NCOA7: variants seen among roughly 807,000 people sequenced by gnomAD.
The protein encoded by NCOA7 is 140 kDa estrogen receptor-associated protein.
A neutral mutation model predicts 104.3 loss-of-function variants in NCOA7; 45 were observed. That is an observed-to-expected ratio of 0.43 (90% CI 0.34 to 0.55). NCOA7 has a LOEUF of 0.55. Among genes scored for constraint, NCOA7 ranks in the 20% least tolerant of loss-of-function variants. The pLI, the probability that NCOA7 is intolerant of heterozygous loss-of-function variation, is 0.02. For missense variants in NCOA7, 1,041 were observed against 1,119.7 expected (o/e 0.93, Z 1.00); for synonymous variants, 398 against 402.3 (o/e 0.99, Z 0.13).
chr6:125,883,409 TC>T (rs1247510572), intron 7 of NCOA7, among the ~76,000 whole-genome samples: 14 of 152,186 alleles, frequency 9.2e-5, no homozygotes, highest in Non-Finnish European at 1.8e-4. Flanking sequence ...CAGTGTAAAA[TC>T]CAGTGATTTT....
At position 125,889,137 on chromosome 6, in the gene NCOA7, G is replaced by T. The variant is rs1784445079; in HGVS notation, c.1083G>T (p.Lys361Asn). Residue 361 changes from lysine to asparagine, a missense_variant, in exon 9 of 16, where the codon AAG becomes AAT. Lys to Asn is a moderately conservative substitution (Grantham distance 94). Transcript: ENST00000392477. ...AGTCCACAGGACATACACCTACAAA[G>T]CCCTCAGGCAGCTCTGTGTCAGAGA... ...LEKSTGHTPT[K>N]PSGSSVSEKL... The T allele has an allele frequency of 1.2e-6, 2 of 1,614,132 alleles. No homozygotes were observed. Among genetic ancestry groups the T allele is most frequent in the Non-Finnish European group, 1.7e-6 (2 of 1,180,020 alleles).
intron 1 of NCOA7, among the ~76,000 whole-genome samples, chr6:125,799,777 T>C (rs148027244): frequency 2.3e-4 from 35 of 152,268 alleles, no homozygotes; most frequent in Admixed American, 4.6e-4. Flanking sequence ...TTGTGTTTTA[T>C]ATTACTCAAT....
chr6:125,921,117 A>G (rs1348210544), intron 12 of NCOA7, 49 bp downstream of exon 12: 3 of 1,592,450 alleles, frequency 1.9e-6, no homozygotes, highest in Non-Finnish European at 2.6e-6. Flanking sequence ...GCTTTAAGAA[A>G]TATTTCCCTT....
intron 3 of NCOA7, among the ~76,000 whole-genome samples, chr6:125,864,546 C>T (rs1782292031): frequency 7.4e-6 from 1 of 135,294 alleles, no homozygotes; most frequent in Admixed American, 7.0e-5. Context: ...ATCCTACTTC[C>T]CAACGTGATA....
rs1438039740 is a variant in NCOA7 at position 125,922,854 on chromosome 6, T to C, written c.2523+20T>C. ...AATCAGGTGAGGCCTGTCCCTCTCA[T>C]AAAGAATATTTTTTAATAATTTTTC... On this transcript the variant is annotated intron_variant, in intron 13 of 15. Coordinates refer to ENST00000392477, the MANE Select transcript of NCOA7 (RefSeq NM_181782.5). 3 of 1,606,530 alleles carry C rather than the reference T, an allele frequency of 1.9e-6. No individual in the cohort carries two copies. In the Admixed American group the frequency reaches 5.1e-5, roughly 27 times the overall value.
At chr6:125,784,700 T>C (rs1269038161) in intron 1 of NCOA7, among the ~76,000 whole-genome samples, 1 of 152,178 alleles carries the variant, frequency 6.6e-6, no homozygotes, top group South Asian at 2.1e-4. Context: ...CTTGGAATAT[T>C]ATCTGAAAAG....
intron 1 of NCOA7, among the ~76,000 whole-genome samples, chr6:125,802,119 C>A (rs1371389199): frequency 6.6e-6 from 1 of 152,000 alleles, no homozygotes; most frequent in African/African-American, 2.4e-5. Flanking sequence ...ATATCTCAGG[C>A]CTTGGTAGAA....
intron 2 of NCOA7, among the ~76,000 whole-genome samples, chr6:125,851,569 G>A (rs1011517351): frequency 6.6e-6 from 1 of 152,150 alleles, no homozygotes; most frequent in Admixed American, 6.5e-5. Flanking sequence ...TACACATGCA[G>A]GTATTGTTTT....
chr6:125,876,365 G>T (rs147016317), intron 4 of NCOA7, among the ~76,000 whole-genome samples: 12 of 152,200 alleles, frequency 7.9e-5, no homozygotes, highest in African/African-American at 2.6e-4. Context: ...TATTACCATT[G>T]TCTAAAATAT....
intron 3 of NCOA7, among the ~76,000 whole-genome samples, chr6:125,865,815 C>G (rs1257058460): frequency 7.4e-6 from 1 of 135,710 alleles, no homozygotes; most frequent in Non-Finnish European, 1.6e-5. Flanking sequence ...AGGCATGTAG[C>G]ACCACGCCTG....
intron 10 of NCOA7, among the ~76,000 whole-genome samples, chr6:125,907,688 G>A (rs991224581): frequency 2.0e-5 from 3 of 152,188 alleles, no homozygotes; most frequent in African/African-American, 4.8e-5. Flanking sequence ...TTGGGGAACA[G>A]CTTAGAATTA....
chr6:125,874,910 A>G lies in NCOA7; in HGVS notation c.293A>G (p.His98Arg). Residue 98 changes from histidine (H) to arginine (R), a missense_variant, in exon 4 of 16, where the codon CAT becomes CGT. His to Arg is a conservative substitution (Grantham distance 29). Around this residue, in one of 2 missense-constraint regions of NCOA7, gnomAD observed 914 missense variants for 942.7 expected, o/e 0.97. Coordinates refer to ENST00000392477, the MANE Select transcript of NCOA7 (RefSeq NM_181782.5). ...YSIDDNQNKT[H>R]DKKEKKMVVQ... ...TCAGATGACAATCAAAACAAAACAC[A>G]TGATAAAAAAGAGAAGAAGATGGTG... 6.2e-7 allele frequency: 1 copy of G among 1,613,472 alleles called. No individual in the cohort carries two copies. The highest frequency in any genetic ancestry group is 8.5e-7 in the Non-Finnish European group (1 of 1,179,428).
chr6:125,921,899 C>T (rs537142677), intron 12 of NCOA7, among the ~76,000 whole-genome samples: 2 of 152,238 alleles, frequency 1.3e-5, no homozygotes, highest in African/African-American at 4.8e-5. Flanking sequence ...TATGTTTGAA[C>T]TGTAGTAAGG....
At chr6:125,817,378 C>G (rs987377669) in intron 2 of NCOA7, among the ~76,000 whole-genome samples, 1 of 152,200 alleles carries the variant, frequency 6.6e-6, no homozygotes. Context: ...ATTTGACATT[C>G]CCATCAGCAA....
At chr6:125,887,933 A>G (rs1233011463) in intron 8 of NCOA7, among the ~76,000 whole-genome samples, 16 of 151,964 alleles carry the variant, frequency 1.1e-4, no homozygotes, top group Admixed American at 1.0e-3. Flanking sequence ...TTTATTTTCA[A>G]CTTTTATTTT....
At chr6:125,812,063 A>T (rs773621609) in intron 1 of NCOA7, among the ~76,000 whole-genome samples, 1 of 152,224 alleles carries the variant, frequency 6.6e-6, no homozygotes, top group Non-Finnish European at 1.5e-5. Context: ...GGAAATAAGG[A>T]CATCTAAATC....
chr6:125,826,320 G>T (rs1233838070), intron 2 of NCOA7, among the ~76,000 whole-genome samples: 1 of 146,354 alleles, frequency 6.8e-6, no homozygotes, highest in Non-Finnish European at 1.5e-5. Context: ...GACAGAGCAA[G>T]ACTCCGTCTC....
At chr6:125,902,594 A>G (rs111529259) in intron 10 of NCOA7, among the ~76,000 whole-genome samples, 9 of 152,236 alleles carry the variant, frequency 5.9e-5, no homozygotes, top group South Asian at 2.1e-4. Flanking sequence ...CCTAAAGTCC[A>G]TACACCTAAG....
Position 125,889,891 on chromosome 6 carries a change from A to C in NCOA7, c.1837A>C (p.Thr613Pro). 3 of 1,608,738 alleles carry C rather than the reference A, an allele frequency of 1.9e-6. No individual in the cohort carries two copies. The highest frequency in any genetic ancestry group is 2.5e-6 in the Non-Finnish European group (3 of 1,178,552). Residue 613 changes from threonine to proline, a missense_variant, in exon 9 of 16, where the codon ACT becomes CCT. This residue lies in a region of NCOA7 where 914 missense variants were observed against 942.7 expected (regional missense o/e 0.97). Coordinates refer to ENST00000392477, the MANE Select transcript of NCOA7 (RefSeq NM_181782.5). ...KEALDSSLES[T>P]LDNSCQGAQM... ...GGCTCTAGACTCCTCTTTGGAATCTACTCTGGACAACAGCTGTCAAGGTGC... is the reference window on the plus strand; with the variant it reads ...GGCTCTAGACTCCTCTTTGGAATCTCCTCTGGACAACAGCTGTCAAGGTGC...
Sources: allele counts gnomAD v4.1 joint callset (sites outside exome capture counted in the v4.1 genomes callset), GRCh38; gene constraint gnomAD v4.1.1; regional missense constraint gnomAD v4.1.1; transcripts MANE v1.5; gene names NCBI Gene and HGNC (gene_info 2026-07-23, HGNC 2026-07-21).